HIP1: variants seen among roughly 807,000 people sequenced by gnomAD.
HIP1 encodes huntingtin interacting protein 1, also known as huntingtin-interacting protein 1.
In HIP1, 65 loss-of-function variants were observed where a neutral mutation model predicts 147.6. The observed-to-expected ratio is 0.44, with a 90% CI of 0.36 to 0.54. The LOEUF is 0.54. Among genes scored for constraint, HIP1 ranks in the 20% least tolerant of loss-of-function variants. HIP1 has a pLI of 0.00. For synonymous variants in HIP1, 479 were observed against 504.0 expected (o/e 0.95, Z 0.67); for missense variants, 1,061 against 1,299.6 (o/e 0.82, Z 2.82).
intron 14 of HIP1, among the ~76,000 whole-genome samples, 197 bp downstream of exon 14, chr7:75,559,535 G>T (rs1260660088): frequency 3.3e-5 from 5 of 152,128 alleles, no homozygotes; most frequent in African/African-American, 1.2e-4. Flanking sequence ...GCTCAGCGGT[G>T]CCTCGCACAC....
At chr7:75,695,620 G>T (rs1800611373) in intron 1 of HIP1, among the ~76,000 whole-genome samples, 2 of 152,042 alleles carry the variant, frequency 1.3e-5, no homozygotes, top group Admixed American at 6.6e-5. Flanking sequence ...TATCACCCAG[G>T]CTGGAGTGCG....
At chr7:75,621,157 C>T (rs145093038) in intron 1 of HIP1, among the ~76,000 whole-genome samples, 247 of 151,966 alleles carry the variant, frequency 1.6e-3, no homozygotes, top group African/African-American at 5.8e-3. Context: ...CAGTGAGCTA[C>T]GATAGGGCCA....
intron 1 of HIP1, among the ~76,000 whole-genome samples, chr7:75,636,383 T>C (rs997848559): frequency 6.7e-6 from 1 of 148,892 alleles, no homozygotes; most frequent in South Asian, 2.1e-4. Context: ...CAGAATCAGG[T>C]AAACTATAAT....
chr7:75,650,283 C>T (rs1554511775), intron 1 of HIP1, among the ~76,000 whole-genome samples: 1 of 151,982 alleles, frequency 6.6e-6, no homozygotes, highest in African/African-American at 2.4e-5. Flanking sequence ...CAAGGGTGCC[C>T]CAGGCTGCCA....
chr7:75,603,886 A>G (rs1797112924), intron 1 of HIP1, among the ~76,000 whole-genome samples: 1 of 149,058 alleles, frequency 6.7e-6, no homozygotes, highest in African/African-American at 2.5e-5. Context: ...AAAAAAAGGA[A>G]AAAAAAAAAG....
At chr7:75,617,812 C>G (rs1158778659) in intron 1 of HIP1, among the ~76,000 whole-genome samples, 1 of 152,202 alleles carries the variant, frequency 6.6e-6, no homozygotes, top group East Asian at 1.9e-4. Context: ...TTCTGCTTCC[C>G]TAGCACCCCA....
At chr7:75,655,136 G>A (rs1400719037) in intron 1 of HIP1, among the ~76,000 whole-genome samples, 1 of 152,166 alleles carries the variant, frequency 6.6e-6, no homozygotes, top group Non-Finnish European at 1.5e-5. Flanking sequence ...CAAAAGGTGG[G>A]GACAGCCCAG....
intron 4 of HIP1, among the ~76,000 whole-genome samples, chr7:75,591,124 C>G (rs1203090822): frequency 3.3e-5 from 5 of 151,894 alleles, no homozygotes; most frequent in Non-Finnish European, 7.4e-5. Context: ...CCTTCGCCTC[C>G]TAGGTTCAAG....
At position 75,555,168 on chromosome 7, in the gene HIP1, A is replaced by G. The variant is rs587722361; in HGVS notation, c.1963+248T>C. 2.1e-3 allele frequency among the ~76,000 whole-genome samples: 242 copies of G among 112,904 alleles called. 1 individual carries two copies. The highest frequency in any genetic ancestry group is 8.0e-3 in the African/African-American group (231 of 28,752). 74.1% of individuals were successfully genotyped at this position (112,904 alleles called of 152,430 possible). On this transcript the variant is annotated intron_variant, in intron 19 of 30. Transcript: ENST00000336926. Reference sequence around the variant, plus strand: ...TGCACTCTAGCCTGAGCAACAGAGTAAGACCCTATCTCAAAAAGCGGGGGG... The same window carrying G: ...TGCACTCTAGCCTGAGCAACAGAGTGAGACCCTATCTCAAAAAGCGGGGGG...
At chr7:75,627,710 G>T (rs1798091797) in intron 1 of HIP1, among the ~76,000 whole-genome samples, 2 of 152,160 alleles carry the variant, frequency 1.3e-5, no homozygotes, top group Admixed American at 1.3e-4. Flanking sequence ...CCTTACTGGA[G>T]ATTTGTTGGA....
intron 1 of HIP1, among the ~76,000 whole-genome samples, chr7:75,674,754 GT>G (rs1799840206): frequency 6.6e-6 from 1 of 151,360 alleles, no homozygotes; most frequent in South Asian, 2.1e-4. Flanking sequence ...GCCTCCCAAA[GT>G]GCTGGGATTA....
At chr7:75,665,868 C>T (rs1799543331) in intron 1 of HIP1, among the ~76,000 whole-genome samples, 1 of 152,040 alleles carries the variant, frequency 6.6e-6, no homozygotes, top group Non-Finnish European at 1.5e-5. Context: ...ATCAACTTTT[C>T]CATTATAGCT....
chr7:75,599,399 G>C (rs587733240), intron 1 of HIP1, 152 bp from the exon 2 acceptor site: 1 of 634,584 alleles, frequency 1.6e-6, no homozygotes. Context: ...GCGCCCAGCT[G>C]GGGGCAGAGG....
intron 1 of HIP1, among the ~76,000 whole-genome samples, chr7:75,733,236 C>T (rs941225418): frequency 1.3e-5 from 2 of 152,002 alleles, no homozygotes; most frequent in Non-Finnish European, 2.9e-5. Flanking sequence ...TCCACTCACC[C>T]GTGGGATGAC....
intron 4 of HIP1, 63 bp downstream of exon 4, chr7:75,591,993 C>T (rs1796515679): frequency 1.5e-6 from 2 of 1,290,908 alleles, no homozygotes; most frequent in Non-Finnish European, 2.3e-6. Flanking sequence ...CCAGTCCTTG[C>T]TCTGTGGCCT....
intron 1 of HIP1, among the ~76,000 whole-genome samples, chr7:75,696,756 C>T (rs1304648784): frequency 6.6e-6 from 1 of 151,114 alleles, no homozygotes; most frequent in Non-Finnish European, 1.5e-5. Context: ...CCTGCCACCA[C>T]ACCTGGCTAA....
At chr7:75,630,724 C>T (rs1798183609) in intron 1 of HIP1, among the ~76,000 whole-genome samples, 1 of 152,152 alleles carries the variant, frequency 6.6e-6, no homozygotes, top group Non-Finnish European at 1.5e-5. Context: ...TCCAGGCTGA[C>T]ACATGCCCCA....
At chr7:75,672,992 T>C (rs1799771469) in intron 1 of HIP1, among the ~76,000 whole-genome samples, 1 of 151,800 alleles carries the variant, frequency 6.6e-6, no homozygotes, top group Non-Finnish European at 1.5e-5. Context: ...TGCAGCTTTG[T>C]AGTAAGTTTT....
intron 1 of HIP1, among the ~76,000 whole-genome samples, chr7:75,601,821 T>C (rs1554502999): frequency 6.6e-6 from 1 of 152,016 alleles, no homozygotes; most frequent in Non-Finnish European, 1.5e-5. Context: ...GCTGACCCCT[T>C]GTCCATAGGA....
Sources: gnomAD v4.1 joint callset for allele counts (sites outside exome capture counted in the v4.1 genomes callset) on GRCh38, gnomAD v4.1.1 for gene constraint, MANE v1.5 for transcripts, NCBI Gene and HGNC (gene_info 2026-07-23, HGNC 2026-07-21) for gene names.